Variants in THSD7B observed in about 807,000 individuals in gnomAD.
The protein encoded by THSD7B is thrombospondin type 1 domain containing 7B, also known as thrombospondin type-1 domain-containing protein 7B.
THSD7B carries 138 observed loss-of-function variants against 213.6 expected under a neutral mutation model. The observed-to-expected ratio is 0.65, with a 90% CI of 0.56 to 0.74. The LOEUF is 0.74. THSD7B is among the 30% of genes least tolerant of loss of function. The probability of loss-of-function intolerance (pLI) is 0.00; values close to 1 mark genes in which losing one functional copy is unlikely to be tolerated. For synonymous variants in THSD7B, 742 were observed against 687.0 expected (o/e 1.08, Z -1.25); for missense variants, 1,931 against 1,991.5 (o/e 0.97, Z 0.58).
chr2:136,961,224 C>CTT (rs201759566), intron 2 of THSD7B, among the ~76,000 whole-genome samples: 8,601 of 126,900 alleles, frequency 0.068, 615 homozygotes, highest in African/African-American at 0.14. Context: ...TTTTTCTTTT[C>CTT]TTTTTTTTTT....
intron 15 of THSD7B, among the ~76,000 whole-genome samples, chr2:137,557,944 A>C (rs967775918): frequency 9.2e-5 from 14 of 152,230 alleles, no homozygotes; most frequent in Non-Finnish European, 1.2e-4. Context: ...CCTCTATGCA[A>C]ATAAACTAGA....
chr2:137,636,779 A>C (rs759861077), intron 20 of THSD7B, among the ~76,000 whole-genome samples: 5 of 152,174 alleles, frequency 3.3e-5, no homozygotes, highest in African/African-American at 7.2e-5. Context: ...AATTGGAGAG[A>C]ACTATTTCCA....
At chr2:137,590,441 T>C (rs934181413) in intron 17 of THSD7B, among the ~76,000 whole-genome samples, 3 of 152,192 alleles carry the variant, frequency 2.0e-5, no homozygotes, top group Non-Finnish European at 4.4e-5. Flanking sequence ...TTTCTAAACA[T>C]GTACAAGATT....
At chr2:136,892,899 C>T (rs547720176) in intron 2 of THSD7B, among the ~76,000 whole-genome samples, 104 of 152,202 alleles carry the variant, frequency 6.8e-4, no homozygotes, top group African/African-American at 2.0e-3. Flanking sequence ...ATTGCAAAGC[C>T]GCTTAGAGCT....
At chr2:137,153,359 G>A (rs1453118206) in intron 5 of THSD7B, among the ~76,000 whole-genome samples, 1 of 151,902 alleles carries the variant, frequency 6.6e-6, no homozygotes, top group Non-Finnish European at 1.5e-5. Context: ...TTTGACATGT[G>A]GCCAAATTTT....
intron 7 of THSD7B, among the ~76,000 whole-genome samples, chr2:137,209,806 C>G (rs1681060824): frequency 6.6e-6 from 1 of 152,068 alleles, no homozygotes; most frequent in Non-Finnish European, 1.5e-5. Flanking sequence ...GAATTGTGCT[C>G]TCTCAAAATT....
intron 15 of THSD7B, among the ~76,000 whole-genome samples, chr2:137,490,170 C>T (rs1688573099): frequency 6.6e-6 from 1 of 152,188 alleles, no homozygotes; most frequent in Non-Finnish European, 1.5e-5. Flanking sequence ...CACTAGAATT[C>T]ATTCAGCATG....
intron 17 of THSD7B, among the ~76,000 whole-genome samples, chr2:137,595,665 C>G (rs1424359628): frequency 2.0e-5 from 3 of 151,838 alleles, no homozygotes; most frequent in Non-Finnish European, 4.4e-5. Context: ...GACTTAATCC[C>G]TTTTTGTTGG....
At chr2:137,173,188 A>G (rs1169858505) in intron 7 of THSD7B, among the ~76,000 whole-genome samples, 6 of 152,202 alleles carry the variant, frequency 3.9e-5, no homozygotes, top group African/African-American at 1.2e-4. Flanking sequence ...TATTTTATGT[A>G]TATTTTAAAG....
At chr2:137,430,120 G>A (rs1687143107) in intron 14 of THSD7B, among the ~76,000 whole-genome samples, 1 of 151,960 alleles carries the variant, frequency 6.6e-6, no homozygotes, top group Admixed American at 6.6e-5. Flanking sequence ...GGTGGTGCAT[G>A]TCTGTGGTCC....
intron 10 of THSD7B, among the ~76,000 whole-genome samples, chr2:137,271,356 G>A (rs970918230): frequency 1.4e-5 from 2 of 144,434 alleles, no homozygotes; most frequent in African/African-American, 2.6e-5. Context: ...TGCTTCCTTG[G>A]CCTGAAATGG....
chr2:136,907,006 G>A (rs1474427112), intron 2 of THSD7B, among the ~76,000 whole-genome samples: 1 of 127,438 alleles, frequency 7.8e-6, no homozygotes, highest in Admixed American at 9.2e-5. Flanking sequence ...GTGCAGTGGT[G>A]TGATCTTGGC....
rs74747436 is a variant in THSD7B, at chr2:137,414,327, C to T, written c.2959+2455C>T. Among the ~76,000 whole-genome samples, 1,498 of 151,910 alleles carry T rather than the reference C, an allele frequency of 9.9e-3. 28 individuals are homozygous for T. Among genetic ancestry groups the T allele is most frequent in the African/African-American group, 0.035 (1,431 of 41,380 alleles). On this transcript the variant is annotated intron_variant, in intron 14 of 27. Transcript: ENST00000409968. Reference sequence around the variant, plus strand: ...GTGAAAATACCTTATTGTGTCACTTCTAGGGATATGACATATACTTGTCTA... The same window carrying T: ...GTGAAAATACCTTATTGTGTCACTTTTAGGGATATGACATATACTTGTCTA...
chr2:137,330,616 G>A (rs776333441), intron 12 of THSD7B, among the ~76,000 whole-genome samples: 4 of 152,036 alleles, frequency 2.6e-5, no homozygotes, highest in Middle Eastern at 3.4e-3. Flanking sequence ...AAGGCAGTGC[G>A]TCTGGAGTTG....
chr2:137,221,138 T>C (rs1486046172), intron 7 of THSD7B, among the ~76,000 whole-genome samples: 1 of 151,962 alleles, frequency 6.6e-6, no homozygotes, highest in Non-Finnish European at 1.5e-5. Context: ...AATACAAAAA[T>C]TAGGCAGGAG....
chr2:137,353,806 C>A (rs1319971708), intron 12 of THSD7B, among the ~76,000 whole-genome samples: 5 of 152,106 alleles, frequency 3.3e-5, no homozygotes, highest in Non-Finnish European at 7.3e-5. Context: ...AATGTCATGC[C>A]ATCCCTATTT....
chr2:136,879,276 T>A (rs1219715690), intron 1 of THSD7B, among the ~76,000 whole-genome samples: 2 of 152,122 alleles, frequency 1.3e-5, no homozygotes, highest in South Asian at 2.1e-4. Flanking sequence ...ATTGGTCTAT[T>A]TCTCTGTTTT....
intron 1 of THSD7B, among the ~76,000 whole-genome samples, chr2:136,865,587 A>T (rs555256659): frequency 3.3e-5 from 5 of 152,192 alleles, no homozygotes; most frequent in Non-Finnish European, 7.4e-5. Flanking sequence ...ATGCTCTTCT[A>T]TGTTTTAACA....
chr2:136,970,083 T>C (rs1252671922), intron 2 of THSD7B, among the ~76,000 whole-genome samples: 1 of 152,164 alleles, frequency 6.6e-6, no homozygotes, highest in East Asian at 1.9e-4. Flanking sequence ...TTTAAAAATA[T>C]AAACACTCAG....
Sources: allele counts gnomAD v4.1 joint callset (sites outside exome capture counted in the v4.1 genomes callset), GRCh38; gene constraint gnomAD v4.1.1; transcripts MANE v1.5; gene names NCBI Gene and HGNC (gene_info 2026-07-23, HGNC 2026-07-21).